RNGTT: variants seen among roughly 807,000 people sequenced by gnomAD.
The protein encoded by RNGTT is mRNA-capping enzyme.
In RNGTT, 33 loss-of-function variants were observed where a neutral mutation model predicts 79.3. The observed-to-expected ratio is 0.42, with a 90% CI of 0.32 to 0.56. The LOEUF is 0.56. Among genes scored for constraint, RNGTT ranks in the 20% least tolerant of loss-of-function variants. The probability of loss-of-function intolerance (pLI) is 0.17; values close to 1 mark genes in which losing one functional copy is unlikely to be tolerated. For missense variants in RNGTT, 497 were observed against 739.1 expected (o/e 0.67, Z 3.80); for synonymous variants, 222 against 235.9 (o/e 0.94, Z 0.54).
At chr6:88,930,023 C>CATATGCAT (rs1562045688) in intron 2 of RNGTT, among the ~76,000 whole-genome samples, 4 of 119,458 alleles carry the variant, frequency 3.3e-5, no homozygotes, top group African/African-American at 6.0e-5. Context: ...TATGTATACA[C>CATATGCAT]ATATATGCAT....
chr6:88,949,663 C>G (rs928918407), intron 1 of RNGTT, among the ~76,000 whole-genome samples: 15 of 152,238 alleles, frequency 9.9e-5, no homozygotes, highest in Non-Finnish European at 2.2e-4. Context: ...CTAATCTTGA[C>G]CAAGGCAGCA....
At chr6:88,689,997 G>A (rs1433944673) in intron 13 of RNGTT, among the ~76,000 whole-genome samples, 9 of 151,926 alleles carry the variant, frequency 5.9e-5, no homozygotes, top group Non-Finnish European at 1.2e-4. Context: ...AACATATAAT[G>A]CACTGAGAAA....
At chr6:88,931,125 T>C (rs1275998278) in intron 2 of RNGTT, among the ~76,000 whole-genome samples, 2 of 151,358 alleles carry the variant, frequency 1.3e-5, no homozygotes, top group Non-Finnish European at 2.9e-5. Flanking sequence ...AGATTCAGAT[T>C]TTATATTTTT....
At chr6:88,745,151 G>T (rs1246165410) in intron 13 of RNGTT, among the ~76,000 whole-genome samples, 2 of 152,132 alleles carry the variant, frequency 1.3e-5, no homozygotes, top group Non-Finnish European at 2.9e-5. Flanking sequence ...CTAGAAAAAG[G>T]AAAGCAGCAA....
chr6:88,919,882 G>T (rs921406986), intron 4 of RNGTT, among the ~76,000 whole-genome samples: 6 of 151,990 alleles, frequency 3.9e-5, no homozygotes, highest in Admixed American at 2.6e-4. Flanking sequence ...TAGAGACAGG[G>T]TTTCACCATG....
chr6:88,936,570 A>G (rs1039323065), intron 2 of RNGTT, among the ~76,000 whole-genome samples: 4 of 152,058 alleles, frequency 2.6e-5, no homozygotes, highest in Non-Finnish European at 5.9e-5. Context: ...GTTTGTTGAG[A>G]GTTTTTATCA....
intron 13 of RNGTT, among the ~76,000 whole-genome samples, chr6:88,750,153 A>G (rs1562233103): frequency 6.6e-6 from 1 of 152,144 alleles, no homozygotes; most frequent in Non-Finnish European, 1.5e-5. Context: ...CACAGGTACC[A>G]GGGGTTAGGA....
At chr6:88,838,479 C>T (rs1002515244) in intron 11 of RNGTT, among the ~76,000 whole-genome samples, 7 of 151,958 alleles carry the variant, frequency 4.6e-5, no homozygotes, top group Non-Finnish European at 1.0e-4. Flanking sequence ...TTTCTATATA[C>T]TACCAATAGT....
At chr6:88,803,054 A>G (rs908500935) in intron 11 of RNGTT, among the ~76,000 whole-genome samples, 3 of 152,340 alleles carry the variant, frequency 2.0e-5, no homozygotes, top group African/African-American at 7.2e-5. Flanking sequence ...TACGTATTTC[A>G]CTTGCAACAA....
At chr6:88,630,116 AG>A (rs1356375624) in intron 14 of RNGTT, among the ~76,000 whole-genome samples, 3 of 152,164 alleles carry the variant, frequency 2.0e-5, no homozygotes, top group Non-Finnish European at 4.4e-5. Context: ...TTGCTATATG[AG>A]GGTCTGCTAC....
intron 11 of RNGTT, among the ~76,000 whole-genome samples, chr6:88,817,749 ATTTTTTT>A (rs71554802): frequency 1.1e-4 from 8 of 71,560 alleles, no homozygotes; most frequent in Admixed American, 7.2e-4. Context: ...TATTCACATC[ATTTTTTT>A]TTTTTTTTTT....
chr6:88,786,508 C>T (rs955912687), intron 12 of RNGTT, among the ~76,000 whole-genome samples: 37 of 152,064 alleles, frequency 2.4e-4, no homozygotes, highest in African/African-American at 8.2e-4. Context: ...AATCACAGAA[C>T]TGAAAACCAT....
chr6:88,844,336 T>A (rs777026037), intron 11 of RNGTT, 21 bp downstream of exon 11: 5 of 1,586,792 alleles, frequency 3.2e-6, no homozygotes, highest in African/African-American at 2.7e-5. Context: ...AGCACTAATT[T>A]AAAAAAAAAT....
intron 1 of RNGTT, among the ~76,000 whole-genome samples, chr6:88,961,608 T>C (rs866544352): frequency 6.6e-6 from 1 of 152,192 alleles, no homozygotes; most frequent in Non-Finnish European, 1.5e-5. Context: ...TCATAGCTTT[T>C]TGGCTATTCA....
intron 13 of RNGTT, among the ~76,000 whole-genome samples, chr6:88,683,566 AG>A (rs1201189050): frequency 6.6e-6 from 1 of 152,232 alleles, no homozygotes; most frequent in African/African-American, 2.4e-5. Context: ...AATTTTATAA[AG>A]TTAGCATAAC....
At chr6:88,962,468 C>CA (rs1785664725) in intron 1 of RNGTT, among the ~76,000 whole-genome samples, 1 of 152,080 alleles carries the variant, frequency 6.6e-6, no homozygotes, top group Admixed American at 6.5e-5. Flanking sequence ...CCTGTCTCCA[C>CA]AAAAAATAAA....
intron 13 of RNGTT, among the ~76,000 whole-genome samples, chr6:88,739,122 T>A (rs9351174): frequency 6.6e-6 from 1 of 151,994 alleles, no homozygotes; most frequent in Non-Finnish European, 1.5e-5. Flanking sequence ...CTTGATTAAA[T>A]GAGATAATGT....
intron 13 of RNGTT, among the ~76,000 whole-genome samples, chr6:88,732,394 T>C (rs766392610): frequency 9.2e-5 from 14 of 152,192 alleles, no homozygotes; most frequent in Non-Finnish European, 1.5e-5. Flanking sequence ...GGCAAGGATA[T>C]GGGCACTGCT....
At chr6:88,849,971 GATC>G in intron 9 of RNGTT, 145 bp from the exon 10 acceptor site, 2 of 678,456 alleles carry the variant, frequency 2.9e-6, no homozygotes, top group Non-Finnish European at 4.2e-6. Flanking sequence ...CTTGTACCCA[GATC>G]ATATCAATAA....
Sources: gnomAD v4.1 joint callset for allele counts (sites outside exome capture counted in the v4.1 genomes callset) on GRCh38, gnomAD v4.1.1 for gene constraint, MANE v1.5 for transcripts, NCBI Gene and HGNC (gene_info 2026-07-23, HGNC 2026-07-21) for gene names.